Variants in FAT4 observed in about 807,000 individuals in gnomAD.
The protein encoded by FAT4 is protocadherin Fat 4.
A neutral mutation model predicts 303.9 loss-of-function variants in FAT4; 84 were observed. That is an observed-to-expected ratio of 0.28 (90% confidence interval 0.23 to 0.33). The LOEUF (loss-of-function observed/expected upper bound fraction) is 0.33. Among genes scored for constraint, FAT4 ranks in the 10% least tolerant of loss-of-function variants. The probability of loss-of-function intolerance (pLI) is 1.00; values close to 1 mark genes in which losing one functional copy is unlikely to be tolerated. For synonymous variants in FAT4, 2,307 were observed against 2,298.8 expected (o/e 1.00, Z -0.10); for missense variants, 6,005 against 6,146.8 (o/e 0.98, Z 0.77).
At chr4:125,351,119 T>C (rs190562254) in intron 2 of FAT4, among the ~76,000 whole-genome samples, 8 of 151,836 alleles carry the variant, frequency 5.3e-5, no homozygotes, top group Admixed American at 4.6e-4. Flanking sequence ...ATAAAACTTT[T>C]TTGTTGTTTT....
chr4:125,450,184 T>A lies in FAT4; in HGVS notation c.9174T>A (p.Phe3058Leu). 1 of 1,613,866 alleles carries A rather than the reference T, an allele frequency of 6.2e-7. No individual in the cohort carries two copies. Among genetic ancestry groups the A allele is most frequent in the Non-Finnish European group, 8.5e-7 (1 of 1,179,994 alleles). ...SLISDLNQNF[F>L]ITVTAKDKGN... ...TTTCTGACTTGAACCAAAACTTTTT[T>A]ATCACAGTCACTGCAAAGGATAAGG... The change falls in exon 10 of 18, where the codon TTT (phenylalanine) becomes TTA (leucine). Residue 3058 changes from phenylalanine (F) to leucine (L), a missense_variant. Transcript: ENST00000394329.
chr4:125,316,370 CCCTT>C lies in FAT4; in HGVS notation c.-12-24_-12-21del. ...GTAAATATCATTGCGTTTGCTTCAC[CCCTT>C]CCTTCTCTTTATCACATCGTTTTAG... On this transcript the variant is annotated intron_variant, in intron 1 of 17. Transcript: ENST00000394329. The surrounding 1 kb of genome is among the most constrained non-coding windows in gnomAD (Gnocchi z 5.7). 1 of 1,549,530 alleles carries C rather than the reference CCCTT, an allele frequency of 6.5e-7. No homozygotes were observed. Among genetic ancestry groups the C allele is most frequent in the Non-Finnish European group, 8.7e-7 (1 of 1,147,334 alleles).
chr4:125,454,744 A>T (rs1384501747), intron 10 of FAT4, among the ~76,000 whole-genome samples: 2 of 152,144 alleles, frequency 1.3e-5, no homozygotes, highest in Non-Finnish European at 2.9e-5. Flanking sequence ...GAGGCAGAGG[A>T]ATTGCTGGAA....
chr4:125,360,913 A>T (rs893945910), intron 2 of FAT4, among the ~76,000 whole-genome samples: 5 of 141,700 alleles, frequency 3.5e-5, no homozygotes, highest in Non-Finnish European at 3.1e-5. Context: ...TTATTTATTT[A>T]TTATTTATTT....
chr4:125,395,053 C>T (rs948115193), intron 2 of FAT4, among the ~76,000 whole-genome samples: 10 of 152,030 alleles, frequency 6.6e-5, no homozygotes. Flanking sequence ...CAGAATCTTG[C>T]AATTCTTGGT....
chr4:125,488,788 G>A (rs1727499267), intron 17 of FAT4, among the ~76,000 whole-genome samples: 1 of 152,162 alleles, frequency 6.6e-6, no homozygotes, highest in Non-Finnish European at 1.5e-5. Flanking sequence ...AGAGTGGTCA[G>A]TGTCAAGCAG....
At chr4:125,382,551 C>T (rs979570351) in intron 2 of FAT4, among the ~76,000 whole-genome samples, 1 of 152,138 alleles carries the variant, frequency 6.6e-6, no homozygotes, top group Non-Finnish European at 1.5e-5. Flanking sequence ...TTTGTTGTTT[C>T]ATTGGTAGGG....
At chr4:125,375,715 T>A (rs1733289984) in intron 2 of FAT4, among the ~76,000 whole-genome samples, 1 of 152,226 alleles carries the variant, frequency 6.6e-6, no homozygotes, top group Non-Finnish European at 1.5e-5. Context: ...CGTAAATGCA[T>A]TTTAAGGAAT....
Position 125,316,123 on chromosome 4 carries a change from A to G in FAT4, c.-13+146A>G, listed in dbSNP as rs1279966337. 2.6e-5 allele frequency among the ~76,000 whole-genome samples: 4 copies of G among 152,152 alleles called. No individual in the cohort carries two copies. Among genetic ancestry groups the G allele is most frequent in the African/African-American group, 9.7e-5 (4 of 41,438 alleles). ...AAACAAAGTAAAAGGGGGCATATATAAGAGGCTTGAGAAACTTTTCTGGGA... is the reference window on the plus strand; with the variant it reads ...AAACAAAGTAAAAGGGGGCATATATGAGAGGCTTGAGAAACTTTTCTGGGA... On this transcript the variant is annotated intron_variant, in intron 1 of 17. Transcript: ENST00000394329. The surrounding 1 kb of genome is among the most constrained non-coding windows in gnomAD (Gnocchi z 5.7).
chr4:125,401,800 G>A (rs1410970725), intron 3 of FAT4, among the ~76,000 whole-genome samples: 1 of 151,664 alleles, frequency 6.6e-6, no homozygotes, highest in African/African-American at 2.4e-5. Flanking sequence ...TACCATACAT[G>A]TTTTTGAAAA....
At chr4:125,341,142 C>A (rs1731776836) in intron 2 of FAT4, among the ~76,000 whole-genome samples, 1 of 151,998 alleles carries the variant, frequency 6.6e-6, no homozygotes, top group Non-Finnish European at 1.5e-5. Flanking sequence ...ACTGATTAAA[C>A]CTTCTTAGGA....
intron 2 of FAT4, among the ~76,000 whole-genome samples, chr4:125,337,242 C>T (rs960541266): frequency 2.0e-5 from 3 of 151,932 alleles, no homozygotes; most frequent in African/African-American, 7.2e-5. Context: ...AATTTTTAAA[C>T]TAGAAAATAT....
At chr4:125,386,700 ACT>A (rs761642269) in intron 2 of FAT4, among the ~76,000 whole-genome samples, 14 of 152,202 alleles carry the variant, frequency 9.2e-5, no homozygotes, top group Non-Finnish European at 1.3e-4. Context: ...TTTATTCATT[ACT>A]GTTTATTAGT....
At chr4:125,480,762 C>G (rs923612222) in intron 15 of FAT4, among the ~76,000 whole-genome samples, 3 of 151,806 alleles carry the variant, frequency 2.0e-5, no homozygotes, top group African/African-American at 7.3e-5. Context: ...TATTAAGGAG[C>G]CTAATTATAT....
In FAT4 at chr4:125,490,681, ATGACAT is replaced by A; in HGVS notation, c.13871_13876del (p.Ile4624_Asp4625del). On this transcript the variant is annotated inframe_deletion, in exon 18 of 18. Coordinates refer to ENST00000394329, the MANE Select transcript of FAT4 (RefSeq NM_001291303.3). ...TCTCCAGAGCAGGAGATAGAGCACT[ATGACAT>A]TGACAACGCCAGCAGCATCGCCCCT... 2 of 1,614,140 alleles carry A rather than the reference ATGACAT, an allele frequency of 1.2e-6. No homozygotes were observed. Among genetic ancestry groups the A allele is most frequent in the South Asian group, 2.2e-5 (2 of 91,068 alleles).
chr4:125,466,005 T>C (rs951980920), intron 11 of FAT4, among the ~76,000 whole-genome samples: 1 of 152,226 alleles, frequency 6.6e-6, no homozygotes, highest in Non-Finnish European at 1.5e-5. Flanking sequence ...TAGTTACACT[T>C]GCATCCTTTA....
intron 10 of FAT4, among the ~76,000 whole-genome samples, chr4:125,461,587 T>A (rs1330768681): frequency 6.6e-6 from 1 of 152,034 alleles, no homozygotes; most frequent in South Asian, 2.1e-4. Flanking sequence ...CTATGTATTT[T>A]ATACATGTTA....
Position 125,321,413 on chromosome 4 carries a change from G to C in FAT4, c.5002G>C (p.Val1668Leu). 1 of 1,614,114 alleles carries C rather than the reference G, an allele frequency of 6.2e-7. No homozygotes were observed. The highest frequency in any genetic ancestry group is 1.1e-5 in the South Asian group (1 of 91,084). ...GSEAPVEYYI[V>L]SVRCEEKTVG... Reference sequence around the variant, plus strand: ...TGAGGCCCCAGTGGAGTATTATATTGTTTCAGTTCGTTGTGAAGAAAAAAC... The same window carrying C: ...TGAGGCCCCAGTGGAGTATTATATTCTTTCAGTTCGTTGTGAAGAAAAAAC... Residue 1668 changes from valine (V) to leucine (L), a missense_variant, in exon 2 of 18, where the codon GTT becomes CTT. Coordinates refer to ENST00000394329, the MANE Select transcript of FAT4 (RefSeq NM_001291303.3).
At chr4:125,414,820 T>C in intron 5 of FAT4, 64 bp from the exon 6 acceptor site, 1 of 1,099,772 alleles carries the variant, frequency 9.1e-7, no homozygotes, top group South Asian at 1.5e-5. Context: ...GCTAAAAGTT[T>C]TGGTATAGCT....
Sources: gnomAD v4.1 joint callset for allele counts (sites outside exome capture counted in the v4.1 genomes callset) on GRCh38, gnomAD v4.1.1 for gene constraint, Gnocchi (gnomAD v3.1) non-coding constraint, MANE v1.5 for transcripts, NCBI Gene and HGNC (gene_info 2026-07-23, HGNC 2026-07-21) for gene names.